LRRC72: variants seen among roughly 807,000 people sequenced by gnomAD.
LRRC72 encodes the protein leucine-rich repeat-containing protein 72.
In LRRC72, 41 loss-of-function variants were observed where a neutral mutation model predicts 35.8. The observed-to-expected ratio is 1.15, with a 90% confidence interval of 0.89 to 1.49. The LOEUF is 1.49. Among genes scored for constraint, LRRC72 ranks in the 40% most tolerant of loss-of-function variants. The probability of loss-of-function intolerance (pLI) is 0.00; values close to 1 mark genes in which losing one functional copy is unlikely to be tolerated. For synonymous variants in LRRC72, 118 were observed against 119.2 expected, an observed-to-expected ratio of 0.99 and a Z score of 0.07; for missense variants, 389 against 330.7, an observed-to-expected ratio of 1.18 and a Z score of -1.37.
At chr7:16,561,368 C>T (rs1782741398) in intron 5 of LRRC72, among the ~76,000 whole-genome samples, 1 of 152,186 alleles carries the variant, frequency 6.6e-6, no homozygotes, top group Non-Finnish European at 1.5e-5. Context: ...CAGTAATAAA[C>T]AGAGTTATGC....
intron 3 of LRRC72, among the ~76,000 whole-genome samples, chr7:16,543,235 G>T (rs1318158589): frequency 6.6e-6 from 1 of 152,170 alleles, no homozygotes; most frequent in African/African-American, 2.4e-5. Flanking sequence ...CTGTAGAAAT[G>T]ATATAGAGAT....
chr7:16,533,486 T>C (rs867892424), intron 2 of LRRC72, among the ~76,000 whole-genome samples: 30 of 152,280 alleles, frequency 2.0e-4, no homozygotes, highest in Middle Eastern at 6.8e-3. Context: ...CCTTACTTTG[T>C]GCTTTTTAAT....
chr7:16,550,807 T>C (rs1391474183), intron 3 of LRRC72, among the ~76,000 whole-genome samples: 1 of 152,238 alleles, frequency 6.6e-6, no homozygotes, highest in African/African-American at 2.4e-5. Context: ...ATTCTCCTGA[T>C]GTGGTTGTAT....
chr7:16,576,483 A>G (rs1278212328), intron 7 of LRRC72, among the ~76,000 whole-genome samples: 1 of 152,222 alleles, frequency 6.6e-6, no homozygotes, highest in Non-Finnish European at 1.5e-5. Context: ...TAATATCTTG[A>G]GAAGCAAGAT....
intron 3 of LRRC72, among the ~76,000 whole-genome samples, chr7:16,551,680 G>A (rs898071275): frequency 2.6e-5 from 4 of 152,058 alleles, no homozygotes; most frequent in Non-Finnish European, 4.4e-5. Flanking sequence ...GGTGGTACCC[G>A]GGGGGAGGGC....
At chr7:16,573,221 T>C (rs1051771440) in intron 7 of LRRC72, among the ~76,000 whole-genome samples, 4 of 152,192 alleles carry the variant, frequency 2.6e-5, no homozygotes, top group Non-Finnish European at 4.4e-5. Flanking sequence ...AAAATGGCCA[T>C]ACTGCCCAAA....
intron 7 of LRRC72, among the ~76,000 whole-genome samples, chr7:16,571,391 G>C (rs1162483782): frequency 2.0e-5 from 3 of 152,188 alleles, no homozygotes; most frequent in Non-Finnish European, 4.4e-5. Flanking sequence ...ATTTACGGTT[G>C]TGGTGGCCGG....
Position 16,564,513 on chromosome 7 carries a change from G to GA in LRRC72, c.428-1789dup, listed in dbSNP as rs60361120. On this transcript the variant is annotated intron_variant, in intron 5 of 8. Coordinates refer to ENST00000401542, the MANE Select transcript of LRRC72 (RefSeq NM_001195280.2). ...CATTTTCTGTCATTTAAGAAATCTT[G>GA]AAAAAAAAAAAGTTTTATTTTTCTT... 8.2e-3 allele frequency among the ~76,000 whole-genome samples: 1,186 copies of GA among 144,500 alleles called. 3 individuals are homozygous for GA. Among genetic ancestry groups the GA allele is most frequent in the Middle Eastern group, 0.025 (7 of 284 alleles). The allele number at this position is 144,500 out of a possible 152,430, so 94.8% of individuals were successfully genotyped here. A position where few individuals can be genotyped will look rare whatever the true frequency, so the allele number is the denominator to read the frequency against.
intron 2 of LRRC72, among the ~76,000 whole-genome samples, chr7:16,533,630 T>A (rs1782204988): frequency 6.6e-6 from 1 of 152,126 alleles, no homozygotes; most frequent in Non-Finnish European, 1.5e-5. Context: ...TCTAGTGATT[T>A]GGGGAAATCC....
chr7:16,560,464 C>G (rs186322233), intron 5 of LRRC72, among the ~76,000 whole-genome samples: 1 of 152,044 alleles, frequency 6.6e-6, no homozygotes, highest in African/African-American at 2.4e-5. Context: ...ATTTTGGAGA[C>G]GTGAGAAGGC....
At chr7:16,554,192 C>T (rs760000732) in intron 3 of LRRC72, among the ~76,000 whole-genome samples, 4 of 152,110 alleles carry the variant, frequency 2.6e-5, no homozygotes, top group East Asian at 1.9e-4. Context: ...TAGCTGGGTG[C>T]GGTGGCACAC....
chr7:16,532,355 G>A (rs1227799136), intron 1 of LRRC72, 140 bp from the exon 2 acceptor site: 4 of 612,214 alleles, frequency 6.5e-6, no homozygotes, highest in Non-Finnish European at 1.2e-5. Context: ...TGTAGCCTTG[G>A]AATTTATCAG....
rs150590864 is a variant in LRRC72, at chr7:16,526,892, C to G, written c.-61C>G. The G allele has an allele frequency of 5.9e-6, 8 of 1,349,134 alleles. No individual in the cohort carries two copies. In the African/African-American group the frequency reaches 1.2e-4, roughly 19 times the overall value. The allele number at this position is 1,349,134 out of a possible 1,614,324, so 83.6% of individuals were successfully genotyped here. On this transcript the variant is annotated 5_prime_UTR_variant, in exon 1 of 9. Transcript: ENST00000401542. ...CTGTGCACCAAGCCAAGTCTCTCTT[C>G]GGTGCCACCGGCGGGCGAGGCCGGA... is the stretch of plus-strand genomic sequence containing the variant.
chr7:16,576,329 A>T (rs1026753244), intron 7 of LRRC72, among the ~76,000 whole-genome samples: 1 of 152,192 alleles, frequency 6.6e-6, no homozygotes. Flanking sequence ...GTGACATTCT[A>T]AAAAATTATA....
intron 7 of LRRC72, among the ~76,000 whole-genome samples, chr7:16,578,431 A>T (rs1242847198): frequency 6.6e-6 from 1 of 151,982 alleles, no homozygotes; most frequent in East Asian, 1.9e-4. Flanking sequence ...CAGAGGTTGC[A>T]GTGAGCCGAG....
intron 8 of LRRC72, among the ~76,000 whole-genome samples, chr7:16,581,016 T>C (rs911217146): frequency 1.3e-5 from 2 of 152,194 alleles, no homozygotes; most frequent in African/African-American, 4.8e-5. Flanking sequence ...TCTATAAATA[T>C]TTTAACCATC....
At chr7:16,559,080 TAGAG>T in intron 5 of LRRC72, 81 bp downstream of exon 5, 1 of 810,570 alleles carries the variant, frequency 1.2e-6, no homozygotes, top group East Asian at 3.1e-5. Context: ...AGTTTAAAAT[TAGAG>T]AGGCAATGTT....
At chr7:16,538,712 C>T (rs1165245815) in intron 3 of LRRC72, among the ~76,000 whole-genome samples, 3 of 152,212 alleles carry the variant, frequency 2.0e-5, no homozygotes, top group Non-Finnish European at 2.9e-5. Context: ...ATGACTGGAT[C>T]ATGGGGATGG....
At chr7:16,532,647 T>C in intron 2 of LRRC72, 79 bp downstream of exon 2, 1 of 1,166,820 alleles carries the variant, frequency 8.6e-7, no homozygotes. Context: ...ATTCAAATGT[T>C]ATTTTCCATT....
Sources: allele counts gnomAD v4.1 joint callset (sites outside exome capture counted in the v4.1 genomes callset), GRCh38; gene constraint gnomAD v4.1.1; transcripts MANE v1.5; gene names NCBI Gene and HGNC (gene_info 2026-07-23, HGNC 2026-07-21).